SPAG16: variants seen among roughly 807,000 people sequenced by gnomAD.
SPAG16 encodes the protein sperm associated antigen 16, also known as sperm-associated antigen 16 protein.
Under a neutral mutation model 80.4 loss-of-function variants are expected in SPAG16, and 86 were observed. The observed-to-expected ratio is 1.07, with a 90% CI of 0.90 to 1.28. The LOEUF is 1.28. SPAG16 is among the 50% of genes most tolerant of loss of function. The probability of loss-of-function intolerance (pLI) is 0.00; values close to 1 mark genes in which losing one functional copy is unlikely to be tolerated. For missense variants in SPAG16, 870 were observed against 765.3 expected, an observed-to-expected ratio of 1.14 and a Z score of -1.61; for synonymous variants, 294 against 265.9, an observed-to-expected ratio of 1.11 and a Z score of -1.03.
intron 9 of SPAG16, among the ~76,000 whole-genome samples, chr2:213,456,770 T>G (rs2072040621): frequency 6.6e-6 from 1 of 152,166 alleles, no homozygotes; most frequent in Admixed American, 6.5e-5. Flanking sequence ...TTTCTTCTGC[T>G]TCATGAATAT....
chr2:214,045,879 G>A (rs2125111823), intron 13 of SPAG16, among the ~76,000 whole-genome samples: 1 of 152,136 alleles, frequency 6.6e-6, no homozygotes, highest in East Asian at 1.9e-4. Context: ...AAATGAATTT[G>A]AAATGAAGAA....
intron 10 of SPAG16, among the ~76,000 whole-genome samples, chr2:213,491,832 A>T (rs2074246626): frequency 6.6e-6 from 1 of 152,192 alleles, no homozygotes; most frequent in Non-Finnish European, 1.5e-5. Context: ...TACTACTGCA[A>T]CTCAAGGAAT....
In SPAG16 at chr2:213,342,417, A is replaced by G. The variant is rs147563945; in HGVS notation, c.644+2147A>G. Among the ~76,000 whole-genome samples the G allele has an allele frequency of 3.1e-3, 463 of 149,120 alleles. 1 individual carries two copies. The highest frequency in any genetic ancestry group is 0.01 in the African/African-American group (428 of 40,956). Reference sequence around the variant, plus strand: ...ACACACACTAAGCTAATCAGAAAGGAGGATAGAACTGTACATACTACCTAA... The same window carrying G: ...ACACACACTAAGCTAATCAGAAAGGGGGATAGAACTGTACATACTACCTAA... On this transcript the variant is annotated intron_variant, in intron 6 of 15. Transcript: ENST00000331683.
chr2:213,366,099 G>A (rs191352774), intron 8 of SPAG16, among the ~76,000 whole-genome samples: 7,111 of 140,028 alleles, frequency 0.051, 602 homozygotes, highest in African/African-American at 0.18. Flanking sequence ...CCGAGATCCC[G>A]CCACTGCACT....
intron 15 of SPAG16, among the ~76,000 whole-genome samples, chr2:214,401,808 T>C (rs1455029873): frequency 2.6e-5 from 4 of 151,910 alleles, no homozygotes. Flanking sequence ...TGCTAGAAAA[T>C]GTAACATGTT....
intron 15 of SPAG16, among the ~76,000 whole-genome samples, chr2:214,168,176 G>C (rs530006739): frequency 6.6e-6 from 1 of 151,382 alleles, no homozygotes; most frequent in Admixed American, 6.6e-5. Flanking sequence ...TTTTTTTGTA[G>C]AGATGGAAAT....
At chr2:213,955,571 G>A (rs964443617) in intron 12 of SPAG16, among the ~76,000 whole-genome samples, 13 of 152,090 alleles carry the variant, frequency 8.5e-5, no homozygotes, top group Non-Finnish European at 1.3e-4. Context: ...GTACCACACT[G>A]TCTTAATTAC....
At chr2:213,373,193 A>G (rs1559467753) in intron 8 of SPAG16, among the ~76,000 whole-genome samples, 2 of 152,188 alleles carry the variant, frequency 1.3e-5, no homozygotes, top group Admixed American at 6.5e-5. Flanking sequence ...ATTACTCAAC[A>G]TTGAGAAGTG....
chr2:213,847,550 G>A (rs992512130), intron 10 of SPAG16, among the ~76,000 whole-genome samples: 4 of 152,128 alleles, frequency 2.6e-5, no homozygotes, highest in African/African-American at 9.7e-5. Flanking sequence ...GCACCAAAGG[G>A]ACGGTCCAAG....
At chr2:213,489,886 A>C (rs2074164766) in intron 9 of SPAG16, 77 bp from the exon 10 acceptor site, 1 of 1,111,720 alleles carries the variant, frequency 9.0e-7, no homozygotes, top group Non-Finnish European at 1.2e-6. Context: ...GTTGTAATTT[A>C]ATATTAAATC....
Position 213,364,150 on chromosome 2 carries a change from A to T in SPAG16, c.832+5A>T. On this transcript the variant is annotated splice_donor_5th_base_variant and intron_variant, in intron 8 of 15. Coordinates refer to ENST00000331683, the MANE Select transcript of SPAG16 (RefSeq NM_024532.5). The stretch of plus-strand genomic sequence containing the variant: ...ACCATGGTCCTCAAATTAAAGGTAA[A>T]TGTAAAATGTGATGAAGCTCTCATT... The T allele has an allele frequency of 6.7e-7, 1 of 1,484,824 alleles. No homozygotes were observed. 92.0% of individuals were successfully genotyped at this position (1,484,824 alleles called of 1,614,324 possible). A position where few individuals can be genotyped will look rare whatever the true frequency, so the allele number is the denominator to read the frequency against.
At chr2:213,635,706 A>G (rs79183237) in intron 10 of SPAG16, among the ~76,000 whole-genome samples, 1 of 152,194 alleles carries the variant, frequency 6.6e-6, no homozygotes, top group Non-Finnish European at 1.5e-5. Context: ...TATGAAAAAA[A>G]TTAGTGACTG....
At chr2:214,259,284 G>A (rs779010564) in intron 15 of SPAG16, among the ~76,000 whole-genome samples, 1 of 151,482 alleles carries the variant, frequency 6.6e-6, no homozygotes, top group East Asian at 1.9e-4. Flanking sequence ...ACTGTGGCTG[G>A]GTTGTTTGGC....
chr2:213,317,192 A>G (rs2063432382), intron 4 of SPAG16, 27 bp from the exon 5 acceptor site: 1 of 1,464,818 alleles, frequency 6.8e-7, no homozygotes, highest in African/African-American at 1.4e-5. Flanking sequence ...GAAATGATAT[A>G]AACCCTTTTG....
intron 1 of SPAG16, 169 bp downstream of exon 1, chr2:213,284,788 C>G (rs141492793): frequency 1.5e-4 from 146 of 1,003,164 alleles, no homozygotes; most frequent in Non-Finnish European, 1.9e-4. Context: ...CTGAGAGCCA[C>G]TCACTGAATT....
chr2:214,402,534 T>C (rs1701767634), intron 15 of SPAG16, among the ~76,000 whole-genome samples: 1 of 152,082 alleles, frequency 6.6e-6, no homozygotes. Flanking sequence ...TTCACTGTAT[T>C]CAAAAATATT....
At chr2:214,047,757 A>G (rs147068723) in intron 13 of SPAG16, among the ~76,000 whole-genome samples, 2 of 152,192 alleles carry the variant, frequency 1.3e-5, no homozygotes, top group East Asian at 3.8e-4. Context: ...CAGACAAGTC[A>G]CAGAATGGGA....
intron 13 of SPAG16, among the ~76,000 whole-genome samples, chr2:214,029,999 A>C (rs2125045240): frequency 6.6e-6 from 1 of 152,222 alleles, no homozygotes; most frequent in Middle Eastern, 3.4e-3. Context: ...AATCAACATG[A>C]GATCTAGTCT....
chr2:214,140,945 G>C (rs1576330440), intron 14 of SPAG16, among the ~76,000 whole-genome samples: 1 of 39,906 alleles, frequency 2.5e-5, no homozygotes, highest in South Asian at 1.1e-3. Context: ...GGGGGGGGGG[G>C]GTGGGGGGTG....
Sources: gnomAD v4.1 joint callset for allele counts (sites outside exome capture counted in the v4.1 genomes callset) on GRCh38, gnomAD v4.1.1 for gene constraint, MANE v1.5 for transcripts, NCBI Gene and HGNC (gene_info 2026-07-23, HGNC 2026-07-21) for gene names.